The following ATF7IP2 variants were observed in gnomAD, a reference collection of about 807,000 sequenced individuals.
ATF7IP2 encodes activating transcription factor 7 interacting protein 2.
In ATF7IP2, 42 loss-of-function variants were observed where a neutral mutation model predicts 64.2. That is an observed-to-expected ratio of 0.65 (90% CI 0.51 to 0.85). The LOEUF (loss-of-function observed/expected upper bound fraction) is 0.85. Ranked by LOEUF, ATF7IP2 falls within the 40% of genes least tolerant of loss-of-function variation. The pLI is 0.00. For synonymous variants in ATF7IP2, 308 were observed against 272.8 expected (o/e 1.13, Z -1.27); for missense variants, 933 against 784.2 (o/e 1.19, Z -2.27).
At chr16:10,470,488 G>A (rs545532060) in intron 9 of ATF7IP2, among the ~76,000 whole-genome samples, 46 of 152,172 alleles carry the variant, frequency 3.0e-4, no homozygotes, top group Non-Finnish European at 6.3e-4. Context: ...GTAACAAACT[G>A]ATTAAAAACT....
At chr16:10,456,958 C>G (rs1316966232) in intron 8 of ATF7IP2, among the ~76,000 whole-genome samples, 1 of 152,142 alleles carries the variant, frequency 6.6e-6, no homozygotes, top group East Asian at 1.9e-4. Flanking sequence ...AATGTTTCAG[C>G]TTCAAGTTTT....
At chr16:10,425,670 C>CATCACCT (rs2048070028) in intron 3 of ATF7IP2, among the ~76,000 whole-genome samples, 1 of 151,930 alleles carries the variant, frequency 6.6e-6, no homozygotes, top group African/African-American at 2.4e-5. Context: ...GAGGTGGGCA[C>CATCACCT]ATCACCTGAG....
intron 8 of ATF7IP2, among the ~76,000 whole-genome samples, chr16:10,453,639 T>C (rs1046708829): frequency 2.0e-5 from 3 of 152,184 alleles, no homozygotes; most frequent in Admixed American, 6.5e-5. Flanking sequence ...TTTTTTGAGA[T>C]GGAGTTTCAG....
At chr16:10,406,895 T>C (rs1196821476) in intron 1 of ATF7IP2, among the ~76,000 whole-genome samples, 1 of 152,078 alleles carries the variant, frequency 6.6e-6, no homozygotes, top group African/African-American at 2.4e-5. Context: ...AGGTAATACT[T>C]CCAAACTCAT....
intron 1 of ATF7IP2, among the ~76,000 whole-genome samples, chr16:10,404,800 C>A (rs562183582): frequency 6.6e-6 from 1 of 152,088 alleles, no homozygotes; most frequent in Non-Finnish European, 1.5e-5. Flanking sequence ...ACTTTGGCCT[C>A]CCAAGGTGCT....
chr16:10,479,748 C>A (rs950141395), intron 12 of ATF7IP2, among the ~76,000 whole-genome samples: 1 of 151,792 alleles, frequency 6.6e-6, no homozygotes, highest in Non-Finnish European at 1.5e-5. Flanking sequence ...AGCTCAACAT[C>A]ACTGATCATC....
At chr16:10,447,030 A>C (rs1596539603) in intron 8 of ATF7IP2, 1 of 151,900 alleles carries the variant, frequency 6.6e-6, no homozygotes, top group African/African-American at 2.4e-5. Flanking sequence ...CCCTCTTAAC[A>C]TTGATGGATC....
chr16:10,422,566 G>C (rs953604173), intron 3 of ATF7IP2, among the ~76,000 whole-genome samples: 2 of 152,144 alleles, frequency 1.3e-5, no homozygotes, highest in Non-Finnish European at 2.9e-5. Context: ...TATACTTCAG[G>C]GGCTTTACGA....
intron 9 of ATF7IP2, among the ~76,000 whole-genome samples, chr16:10,470,821 GTGTATATATATATATA>G (rs1567173914): frequency 6.9e-6 from 1 of 144,242 alleles, no homozygotes; most frequent in Non-Finnish European, 1.5e-5. Flanking sequence ...ATATGTGTGT[GTGTATATATATATATA>G]TGTGTGTGTA....
intron 2 of ATF7IP2, among the ~76,000 whole-genome samples, chr16:10,417,417 A>G (rs565371646): frequency 7.9e-5 from 12 of 152,324 alleles, no homozygotes; most frequent in African/African-American, 2.4e-4. Context: ...ACCAAAATTG[A>G]GCAGGAGCAG....
At chr16:10,468,314 A>T (rs190736410) in intron 9 of ATF7IP2, among the ~76,000 whole-genome samples, 444 of 152,316 alleles carry the variant, frequency 2.9e-3, no homozygotes, top group African/African-American at 9.5e-3. Context: ...TTAAATCTGC[A>T]TGGAAAACTG....
intron 1 of ATF7IP2, among the ~76,000 whole-genome samples, chr16:10,411,854 C>G (rs1372277302): frequency 6.8e-6 from 1 of 147,818 alleles, no homozygotes; most frequent in Non-Finnish European, 1.5e-5. Flanking sequence ...TTTTATATTT[C>G]TGTGGTGTCA....
intron 9 of ATF7IP2, among the ~76,000 whole-genome samples, chr16:10,464,960 A>G (rs916499342): frequency 6.6e-6 from 1 of 152,118 alleles, no homozygotes; most frequent in Non-Finnish European, 1.5e-5. Flanking sequence ...CCTCCTGAAT[A>G]GCTGGGATTA....
chr16:10,475,722 G>GAAAAAAAAAAAAAAAAAAAAACAA (rs2049980037), intron 12 of ATF7IP2, among the ~76,000 whole-genome samples: 10 of 41,632 alleles, frequency 2.4e-4, no homozygotes, highest in East Asian at 8.1e-4. Context: ...TAAGAAGCCA[G>GAAAAAAAAAAAAAAAAAAAAACAA]AAAAAAAAAA....
chr16:10,472,870 A>AG (rs1411259733), intron 10 of ATF7IP2, among the ~76,000 whole-genome samples: 3 of 151,952 alleles, frequency 2.0e-5, no homozygotes, highest in Non-Finnish European at 4.4e-5. Context: ...AAAAAAAAAA[A>AG]AAAATTTTAA....
intron 1 of ATF7IP2, among the ~76,000 whole-genome samples, chr16:10,407,868 T>G (rs571299383): frequency 6.6e-6 from 1 of 152,136 alleles, no homozygotes; most frequent in Non-Finnish European, 1.5e-5. Flanking sequence ...TACTTGTGAG[T>G]GAGAACATGC....
intron 2 of ATF7IP2, among the ~76,000 whole-genome samples, chr16:10,416,142 C>T (rs929346612): frequency 9.2e-5 from 14 of 152,194 alleles, no homozygotes; most frequent in African/African-American, 3.4e-4. Context: ...AAAGGGATAT[C>T]TGCAATTCCA....
chr16:10,422,847 G>A lies in ATF7IP2; in HGVS notation c.-160+3224G>A, dbSNP rs191852556. Among the ~76,000 whole-genome samples, 124 of 152,198 alleles carry A rather than the reference G, an allele frequency of 8.1e-4. 1 individual carries two copies. The highest frequency in any genetic ancestry group is 1.5e-3 in the Non-Finnish European group (104 of 68,018). On this transcript the variant is annotated intron_variant, in intron 3 of 13. Coordinates refer to ENST00000562102, the MANE Select transcript of ATF7IP2 (RefSeq NM_001393719.1). ...CACAATCAGGAGCTGCGCTATACACGCTCCTGGCTCTGCTTTCCAGGGAAC... is the reference window on the plus strand; with the variant it reads ...CACAATCAGGAGCTGCGCTATACACACTCCTGGCTCTGCTTTCCAGGGAAC...
At position 10,408,061 on chromosome 16, in the gene ATF7IP2, G is replaced by A. The variant is rs575607913; in HGVS notation, c.-241-6513G>A. Among the ~76,000 whole-genome samples, 3 of 152,134 alleles carry A rather than the reference G, an allele frequency of 2.0e-5. No homozygotes were observed. The South Asian group carries it at 6.2e-4, about 32-fold the overall frequency. On this transcript the variant is annotated intron_variant, in intron 1 of 13. Coordinates refer to ENST00000562102, the MANE Select transcript of ATF7IP2 (RefSeq NM_001393719.1). ...CAAGTAGTTGGGACTACAGGCATGT[G>A]CCACCATACCTAGCTAATTTTTGTA... is the stretch of plus-strand genomic sequence containing the variant.
Sources: allele counts gnomAD v4.1 joint callset (sites outside exome capture counted in the v4.1 genomes callset), GRCh38; gene constraint gnomAD v4.1.1; transcripts MANE v1.5; gene names NCBI Gene and HGNC (gene_info 2026-07-23, HGNC 2026-07-21).